Variants in EEIG1 observed in about 807,000 individuals in gnomAD.
The protein encoded by EEIG1 is early estrogen-induced gene 1 protein.
the EEIG1 span, among the ~76,000 whole-genome samples, chr9:127,974,441 G>A: frequency 6.6e-6 from 1 of 152,148 alleles, no homozygotes; most frequent in Non-Finnish European, 1.5e-5. Flanking sequence ...GTTGGCCAGG[G>A]GCTTCTATGC....
At chr9:127,945,277 C>G in the EEIG1 span, 1 of 1,073,570 alleles carries the variant, frequency 9.3e-7, no homozygotes. This position sits in a 1 kb window ranked among gnomAD's most constrained non-coding sequence, Gnocchi z 6.5. Context: ...GGGGACCTTA[C>G]GGTCCCTGTG....
chr9:127,956,008 G>GT, the EEIG1 span, among the ~76,000 whole-genome samples: 1 of 152,230 alleles, frequency 6.6e-6, no homozygotes, highest in Non-Finnish European at 1.5e-5. Flanking sequence ...CACCTAGCTT[G>GT]TTAGGAGGGT....
chr9:127,950,326 G>A, the EEIG1 span: 2 of 1,274,428 alleles, frequency 1.6e-6, no homozygotes, highest in East Asian at 2.4e-5. Context: ...GGTAAGGCCT[G>A]TATTTTTAAC....
At chr9:127,945,650 G>T in the EEIG1 span, 363 of 1,585,342 alleles carry the variant, frequency 2.3e-4, 1 homozygote, top group Admixed American at 8.1e-4. This position sits in a 1 kb window ranked among gnomAD's most constrained non-coding sequence, Gnocchi z 6.5. Context: ...GCCACTCACC[G>T]GAGATCTTGG....
At chr9:127,972,476 C>T in the EEIG1 span, 18 of 152,410 alleles carry the variant, frequency 1.2e-4, no homozygotes, top group African/African-American at 4.1e-4. This position sits in a 1 kb window ranked among gnomAD's most constrained non-coding sequence, Gnocchi z 4.3. Flanking sequence ...CCAGGAGCCG[C>T]GCTGGGCGTC....
the EEIG1 span, chr9:127,979,904 G>A: frequency 6.2e-6 from 9 of 1,452,586 alleles, no homozygotes; most frequent in Non-Finnish European, 8.3e-6. Flanking sequence ...TCCTCACACC[G>A]GCCCCAAGGG....
chr9:127,941,820 G>A, the EEIG1 span: 1 of 152,214 alleles, frequency 6.6e-6, no homozygotes, highest in Non-Finnish European at 1.5e-5. Flanking sequence ...AGGGCGAGGA[G>A]GCAATATTGA....
At chr9:127,951,005 C>T in the EEIG1 span, among the ~76,000 whole-genome samples, 1 of 152,104 alleles carries the variant, frequency 6.6e-6, no homozygotes, top group Non-Finnish European at 1.5e-5. Flanking sequence ...AGCAGGAGCC[C>T]CAGGGAAGGC....
chr9:127,958,151 C>A, the EEIG1 span, among the ~76,000 whole-genome samples: 1 of 152,088 alleles, frequency 6.6e-6, no homozygotes, highest in Non-Finnish European at 1.5e-5. Context: ...GAATGAAGTG[C>A]GTGTGTGAGG....
chr9:127,973,173 C>T, the EEIG1 span, among the ~76,000 whole-genome samples: 10 of 152,120 alleles, frequency 6.6e-5, no homozygotes, highest in South Asian at 2.1e-4. This position sits in a 1 kb window ranked among gnomAD's most constrained non-coding sequence, Gnocchi z 4.2. Context: ...CAGCAGCAAG[C>T]GAGTGACTGC....
At chr9:127,964,745 G>A in the EEIG1 span, among the ~76,000 whole-genome samples, 1 of 152,190 alleles carries the variant, frequency 6.6e-6, no homozygotes, top group Non-Finnish European at 1.5e-5. Context: ...TGCGGGGGCA[G>A]GTGCTCAAAC....
At chr9:127,945,335 T>A in the EEIG1 span, 1 of 1,521,974 alleles carries the variant, frequency 6.6e-7, no homozygotes, top group East Asian at 2.4e-5. This position sits in a 1 kb window ranked among gnomAD's most constrained non-coding sequence, Gnocchi z 6.5. Context: ...GAGAGGTCTG[T>A]TCTCCAGGGG....
the EEIG1 span, among the ~76,000 whole-genome samples, chr9:127,970,174 C>T: frequency 3.3e-5 from 5 of 152,024 alleles, no homozygotes; most frequent in African/African-American, 1.2e-4. Flanking sequence ...AGTGCAGTGG[C>T]GCGATCTCCG....
the EEIG1 span, chr9:127,944,220 A>T: frequency 7.3e-6 from 2 of 272,730 alleles, no homozygotes; most frequent in Non-Finnish European, 1.4e-5. Context: ...GGTGCTAGGG[A>T]AAGATTTGTT....
At chr9:127,945,683 G>A in the EEIG1 span, 1 of 1,595,328 alleles carries the variant, frequency 6.3e-7, no homozygotes, top group Non-Finnish European at 8.5e-7. This position sits in a 1 kb window ranked among gnomAD's most constrained non-coding sequence, Gnocchi z 6.5. Context: ...CATAGCTGGA[G>A]TTGCGGGAGT....
At chr9:127,975,638 T>C in the EEIG1 span, among the ~76,000 whole-genome samples, 1 of 152,118 alleles carries the variant, frequency 6.6e-6, no homozygotes, top group Non-Finnish European at 1.5e-5. Context: ...AGTTTCCCCA[T>C]CTGTTGGCTG....
the EEIG1 span, among the ~76,000 whole-genome samples, chr9:127,967,004 T>G: frequency 6.6e-6 from 1 of 152,212 alleles, no homozygotes; most frequent in Non-Finnish European, 1.5e-5. Flanking sequence ...TCTGTCACGC[T>G]AGCGACCCTG....
the EEIG1 span, chr9:127,944,515 C>T: frequency 1.2e-6 from 1 of 838,006 alleles, no homozygotes; most frequent in Non-Finnish European, 2.0e-6. Context: ...ACTGTGGCGA[C>T]AAGATTTGGC....
At chr9:127,972,311 C>T in the EEIG1 span, among the ~76,000 whole-genome samples, 1 of 152,182 alleles carries the variant, frequency 6.6e-6, no homozygotes, top group Non-Finnish European at 1.5e-5. The surrounding 1 kb of genome is among the most constrained non-coding windows in gnomAD (Gnocchi z 4.3). Context: ...CACCCCCACC[C>T]TGCCCCGAGT....
Sources: gnomAD v4.1 joint callset for allele counts (sites outside exome capture counted in the v4.1 genomes callset) on GRCh38, gnomAD v4.1.1 for gene constraint, Gnocchi (gnomAD v3.1) non-coding constraint, MANE v1.5 for transcripts, NCBI Gene and HGNC (gene_info 2026-07-23, HGNC 2026-07-21) for gene names.